The following GABRB3 variants were observed in gnomAD, a reference collection of about 807,000 sequenced individuals.
GABRB3 encodes gamma-aminobutyric acid type A receptor subunit beta3, also known as gamma-aminobutyric acid receptor subunit beta-3.
A neutral mutation model predicts 52.1 loss-of-function variants in GABRB3; 14 were observed. The observed-to-expected ratio is 0.27, with a 90% CI of 0.18 to 0.42. The LOEUF (loss-of-function observed/expected upper bound fraction) is 0.42. GABRB3 is among the 10% of genes least tolerant of loss of function. The pLI is 1.00. For synonymous variants in GABRB3, 260 were observed against 232.3 expected, an observed-to-expected ratio of 1.12 and a Z score of -1.08; for missense variants, 307 against 609.1, an observed-to-expected ratio of 0.50 and a Z score of 5.22.
chr15:26,760,678 AATTG>A (rs146802114), intron 3 of GABRB3, among the ~76,000 whole-genome samples: 2 of 151,994 alleles, frequency 1.3e-5, no homozygotes, highest in Non-Finnish European at 2.9e-5. Context: ...ATAAATGGAT[AATTG>A]ATTGATTGAT....
intron 3 of GABRB3, among the ~76,000 whole-genome samples, chr15:26,753,798 T>C (rs1366737249): frequency 6.6e-6 from 1 of 152,108 alleles, no homozygotes; most frequent in East Asian, 1.9e-4. Context: ...GTGAATTCCA[T>C]GGGGAGCAGC....
intron 8 of GABRB3, among the ~76,000 whole-genome samples, chr15:26,555,479 G>A (rs2140665955): frequency 6.6e-6 from 1 of 152,290 alleles, no homozygotes; most frequent in Middle Eastern, 3.4e-3. Flanking sequence ...TTGTGTTTGG[G>A]AGACGACCTC....
chr15:26,748,173 A>G (rs1890402183), intron 3 of GABRB3, among the ~76,000 whole-genome samples: 2 of 152,062 alleles, frequency 1.3e-5, no homozygotes, highest in Non-Finnish European at 2.9e-5. Context: ...ATTTTGTTCC[A>G]TGATTTCCTT....
chr15:26,689,764 G>A (rs1443126400), intron 3 of GABRB3, among the ~76,000 whole-genome samples: 2 of 152,066 alleles, frequency 1.3e-5, no homozygotes, highest in Non-Finnish European at 2.9e-5. Context: ...GGGAGAGGCC[G>A]CCTGGGGAGG....
chr15:26,570,816 C>T (rs1225719218), intron 6 of GABRB3, among the ~76,000 whole-genome samples: 1 of 151,760 alleles, frequency 6.6e-6, no homozygotes, highest in Non-Finnish European at 1.5e-5. Context: ...TTTTTTTTCT[C>T]ATTCATATTA....
rs189713078 is a variant in GABRB3 at position 26,641,893 on chromosome 15, C to A, written c.241-20359G>T. Among the ~76,000 whole-genome samples the A allele has an allele frequency of 3.5e-3, 501 of 144,816 alleles. 1 individual carries two copies. Among genetic ancestry groups the A allele is most frequent in the Middle Eastern group, 0.025 (7 of 276 alleles). On this transcript the variant is annotated intron_variant, in intron 3 of 8. Transcript: ENST00000311550. ...GATTGTTTTACTTTTTCTTCTCTTTCTTTTTTTTTTTTTAGAGACAAGGTC... is the reference window on the plus strand; with the variant it reads ...GATTGTTTTACTTTTTCTTCTCTTTATTTTTTTTTTTTTAGAGACAAGGTC...
At chr15:26,629,229 G>C (rs908150257) in intron 3 of GABRB3, 52 of 1,405,660 alleles carry the variant, frequency 3.7e-5, no homozygotes, top group Non-Finnish European at 4.5e-5. Flanking sequence ...GGCCTGGAAA[G>C]GAGGGCAGCG....
intron 3 of GABRB3, among the ~76,000 whole-genome samples, chr15:26,706,623 G>T (rs961702397): frequency 6.6e-6 from 1 of 151,980 alleles, no homozygotes; most frequent in Non-Finnish European, 1.5e-5. Context: ...AACAACTTAG[G>T]TTTAAAAAAC....
intron 3 of GABRB3, among the ~76,000 whole-genome samples, chr15:26,715,960 A>G (rs1654264614): frequency 6.6e-6 from 1 of 152,224 alleles, no homozygotes; most frequent in Admixed American, 6.5e-5. Flanking sequence ...TACACAGAGA[A>G]CAAGCCATGG....
chr15:26,641,953 G>A (rs1229738543), intron 3 of GABRB3, among the ~76,000 whole-genome samples: 4 of 151,348 alleles, frequency 2.6e-5, no homozygotes, highest in Non-Finnish European at 4.4e-5. Context: ...GCAGTGACTC[G>A]ATCATAGCTC....
chr15:26,600,078 A>T (rs1891534036), intron 4 of GABRB3, among the ~76,000 whole-genome samples: 2 of 152,194 alleles, frequency 1.3e-5, no homozygotes, highest in Admixed American at 1.3e-4. Flanking sequence ...TAAGATAAAG[A>T]CTACAATGAT....
intron 7 of GABRB3, among the ~76,000 whole-genome samples, chr15:26,566,630 T>C (rs1280672667): frequency 1.3e-5 from 2 of 151,666 alleles, no homozygotes; most frequent in East Asian, 1.9e-4. Flanking sequence ...GGAGGTAGAG[T>C]TGAGAGGATC....
At chr15:26,629,077 C>G in intron 3 of GABRB3, 2 of 1,536,006 alleles carry the variant, frequency 1.3e-6, no homozygotes, top group Non-Finnish European at 8.7e-7. Context: ...CCACGCTAAC[C>G]GGAAGTTGTG....
At chr15:26,700,025 C>T (rs1888875204) in intron 3 of GABRB3, among the ~76,000 whole-genome samples, 2 of 150,620 alleles carry the variant, frequency 1.3e-5, no homozygotes, top group Admixed American at 6.6e-5. Flanking sequence ...AGAGAGAAAA[C>T]AAAAACAATA....
intron 8 of GABRB3, chr15:26,550,259 G>C (rs966325059): frequency 6.6e-6 from 1 of 152,172 alleles, no homozygotes; most frequent in African/African-American, 2.4e-5. Flanking sequence ...GAAGAAACAA[G>C]GCAGCTGATA....
intron 3 of GABRB3, among the ~76,000 whole-genome samples, chr15:26,702,841 G>C (rs1280453000): frequency 6.6e-6 from 1 of 152,194 alleles, no homozygotes; most frequent in Admixed American, 6.5e-5. Flanking sequence ...CAACGAAATA[G>C]CTGTAACAAA....
At chr15:26,561,698 T>C (rs115667006) in intron 7 of GABRB3, among the ~76,000 whole-genome samples, 229 of 152,284 alleles carry the variant, frequency 1.5e-3, no homozygotes, top group African/African-American at 4.8e-3. Flanking sequence ...ACAATGCTTA[T>C]TGGAAGCAAG....
intron 3 of GABRB3, among the ~76,000 whole-genome samples, chr15:26,727,724 C>A (rs150003518): frequency 2.4e-4 from 37 of 152,326 alleles, no homozygotes; most frequent in African/African-American, 8.7e-4. Flanking sequence ...TTACACACAG[C>A]CACATCCATT....
chr15:26,752,098 T>C (rs1890526629), intron 3 of GABRB3, among the ~76,000 whole-genome samples: 2 of 152,158 alleles, frequency 1.3e-5, no homozygotes, highest in South Asian at 4.1e-4. Flanking sequence ...ATGCACACCT[T>C]CTTTCTGTCT....
Sources: allele counts gnomAD v4.1 joint callset (sites outside exome capture counted in the v4.1 genomes callset), GRCh38; gene constraint gnomAD v4.1.1; transcripts MANE v1.5; gene names NCBI Gene and HGNC (gene_info 2026-07-23, HGNC 2026-07-21).